ACTL8: variants seen among roughly 807,000 people sequenced by gnomAD.
ACTL8 encodes the protein actin-like protein 8.
In ACTL8, 3 loss-of-function variants were observed where a neutral mutation model predicts 9.3. That is an observed-to-expected ratio of 0.32 (90% CI 0.15 to 0.83). The LOEUF (loss-of-function observed/expected upper bound fraction) is 0.83, where lower values mean the gene tolerates loss of function less well. ACTL8 is among the 40% of genes least tolerant of loss of function. The pLI is 0.57. For missense variants in ACTL8, 381 were observed against 492.2 expected (o/e 0.77, Z 2.14); for synonymous variants, 224 against 205.9 (o/e 1.09, Z -0.75).
At chr1:17,792,630 G>C (rs2066248190) in intron 1 of ACTL8, among the ~76,000 whole-genome samples, 1 of 152,204 alleles carries the variant, frequency 6.6e-6, no homozygotes, top group African/African-American at 2.4e-5. Context: ...TTGGGGCCCT[G>C]CTCATCCTGC....
chr1:17,784,423 C>T (rs1557434206), intron 1 of ACTL8, among the ~76,000 whole-genome samples: 2 of 152,174 alleles, frequency 1.3e-5, no homozygotes, highest in Non-Finnish European at 2.9e-5. Context: ...AGGAATTGAA[C>T]TTCTACCTTC....
At chr1:17,769,277 G>A (rs2066067292) in intron 1 of ACTL8, among the ~76,000 whole-genome samples, 1 of 152,186 alleles carries the variant, frequency 6.6e-6, no homozygotes, top group Non-Finnish European at 1.5e-5. Flanking sequence ...GGCAGGGGTG[G>A]CAGAGTGTAG....
At chr1:17,821,126 TA>T (rs572201746) in intron 1 of ACTL8, among the ~76,000 whole-genome samples, 3,576 of 148,298 alleles carry the variant, frequency 0.024, 130 homozygotes, top group African/African-American at 0.078. Context: ...TTTTGCCCAT[TA>T]AAAAAAAAAA....
intron 1 of ACTL8, among the ~76,000 whole-genome samples, chr1:17,775,805 C>T (rs2066115037): frequency 6.6e-6 from 1 of 152,202 alleles, no homozygotes. Context: ...TCCTTCCCTC[C>T]TAACATTCAT....
At chr1:17,769,264 G>A (rs143391830) in intron 1 of ACTL8, among the ~76,000 whole-genome samples, 1 of 152,282 alleles carries the variant, frequency 6.6e-6, no homozygotes, top group East Asian at 1.9e-4. Context: ...ATGGCTGTGG[G>A]CCGGCAGGGG....
intron 1 of ACTL8, among the ~76,000 whole-genome samples, chr1:17,800,138 T>A (rs566838132): frequency 6.6e-6 from 1 of 152,336 alleles, no homozygotes; most frequent in Admixed American, 6.5e-5. Context: ...TAATTATTAT[T>A]GAAATTACTT....
At chr1:17,771,896 CG>C (rs2066085317) in intron 1 of ACTL8, among the ~76,000 whole-genome samples, 1 of 151,666 alleles carries the variant, frequency 6.6e-6, no homozygotes, top group Admixed American at 6.6e-5. Context: ...TATTCTTCCA[CG>C]GTCCTTTTCT....
At chr1:17,777,173 G>A (rs914168375) in intron 1 of ACTL8, among the ~76,000 whole-genome samples, 5 of 151,834 alleles carry the variant, frequency 3.3e-5, no homozygotes, top group South Asian at 2.1e-4. Flanking sequence ...CAGAACAAGC[G>A]CCTCTCTTTG....
At chr1:17,782,124 G>A (rs769786196) in intron 1 of ACTL8, among the ~76,000 whole-genome samples, 2 of 151,996 alleles carry the variant, frequency 1.3e-5, no homozygotes, top group African/African-American at 4.8e-5. Flanking sequence ...TCTGGTACAC[G>A]AGCCCCCGCT....
In ACTL8 at chr1:17,823,293, C is replaced by G; in HGVS notation, c.285C>G (p.Val95=). 2 of 1,614,024 alleles carry G rather than the reference C, an allele frequency of 1.2e-6. No individual in the cohort carries two copies. The highest frequency in any genetic ancestry group is 3.3e-4 in the Middle Eastern group (2 of 6,062). ...AGAACCACAGACGGGAGCAAGAGGTCCCCCCTGTGATCATCACGGAGACAC... is the reference window on the plus strand; with the variant it reads ...AGAACCACAGACGGGAGCAAGAGGTGCCCCCTGTGATCATCACGGAGACAC... ...VLENHRREQE[V]PPVIITETPL... The change falls in exon 2 of 3, where the codon GTC becomes GTG. Residue 95 remains valine, a synonymous_variant. Transcript: ENST00000375406. This position sits in a 1 kb window ranked among gnomAD's most constrained non-coding sequence, Gnocchi z 5.3.
Position 17,826,667 on chromosome 1 carries a change from T to G in ACTL8, c.*148T>G, listed in dbSNP as rs1214265242. On this transcript the variant is annotated 3_prime_UTR_variant, in exon 3 of 3. Coordinates refer to ENST00000375406, the MANE Select transcript of ACTL8 (RefSeq NM_030812.3). The surrounding 1 kb of genome is among the most constrained non-coding windows in gnomAD (Gnocchi z 4.5). ...AGGGGCATGAGGGTATTTTTTAGGT[T>G]CTAAGGTTTTATCTTGTTGCAAGAG... 3 of 787,310 alleles carry G rather than the reference T, an allele frequency of 3.8e-6. No homozygotes were observed. In the East Asian group the frequency reaches 8.4e-5, roughly 22 times the overall value. The allele number at this position is 787,310 out of a possible 1,614,324, so 48.8% of individuals were successfully genotyped here.
In ACTL8 at chr1:17,773,143, G is replaced by A. The variant is rs182288548; in HGVS notation, c.-25+17639G>A. 1.1e-3 allele frequency among the ~76,000 whole-genome samples: 174 copies of A among 152,290 alleles called. 1 individual carries two copies. Among genetic ancestry groups the A allele is most frequent in the African/African-American group, 3.1e-3 (130 of 41,564 alleles). On this transcript the variant is annotated intron_variant, in intron 1 of 2. Coordinates refer to ENST00000375406, the MANE Select transcript of ACTL8 (RefSeq NM_030812.3). ...CTTTCTTTGCTGGAATATTATTTAC[G>A]TTAATAACAAGGATTAGAGGCTTGT...
At chr1:17,818,446 AG>A (rs2066443564) in intron 1 of ACTL8, among the ~76,000 whole-genome samples, 1 of 152,180 alleles carries the variant, frequency 6.6e-6, no homozygotes, top group Non-Finnish European at 1.5e-5. Context: ...CCAAGCCCCC[AG>A]TGGCCTCCCA....
At chr1:17,820,872 A>G (rs554666684) in intron 1 of ACTL8, among the ~76,000 whole-genome samples, 1 of 152,048 alleles carries the variant, frequency 6.6e-6, no homozygotes, top group African/African-American at 2.4e-5. Context: ...CTGCCACACC[A>G]TTTTCCAAAG....
chr1:17,825,895 T>C lies in ACTL8; in HGVS notation c.477T>C (p.Pro159=). The part of the protein sequence containing the change: ...DSGYGLTRVQ[P]FHQGRPLPAS... ...GCTATGGCCTGACCCGCGTGCAGCC[T>C]TTCCACCAGGGCCGCCCCTTGCCCG... Residue 159 remains proline (P), a synonymous_variant, in exon 3 of 3, where the codon CCT becomes CCC. Transcript: ENST00000375406. 2 of 1,613,534 alleles carry C rather than the reference T, an allele frequency of 1.2e-6. No homozygotes were observed. Among genetic ancestry groups the C allele is most frequent in the Non-Finnish European group, 1.7e-6 (2 of 1,180,016 alleles).
intron 1 of ACTL8, among the ~76,000 whole-genome samples, chr1:17,818,527 G>A (rs934778679): frequency 2.6e-5 from 4 of 152,190 alleles, no homozygotes; most frequent in African/African-American, 4.8e-5. Flanking sequence ...TCCACTCACC[G>A]TGTCCTTGCT....
At chr1:17,808,605 G>C in intron 1 of ACTL8, among the ~76,000 whole-genome samples, 1 of 152,298 alleles carries the variant, frequency 6.6e-6, no homozygotes, top group Admixed American at 6.5e-5. Flanking sequence ...TTTTTATGCG[G>C]AGCAAATAAG....
rs144522829 is a variant in ACTL8 at position 17,803,170 on chromosome 1, C to A, written c.-24-19815C>A. On this transcript the variant is annotated intron_variant, in intron 1 of 2. Coordinates refer to ENST00000375406, the MANE Select transcript of ACTL8 (RefSeq NM_030812.3). ...TCTCGTAATAGTGAGTGAGTTCTTA[C>A]AAGATCTGATTGTTTTATAAGGGGT... Among the ~76,000 whole-genome samples the A allele has an allele frequency of 2.5e-4, 38 of 152,178 alleles. No individual in the cohort carries two copies. The East Asian group carries it at 7.0e-3, about 28-fold the overall frequency.
At chr1:17,790,763 T>C (rs2066233091) in intron 1 of ACTL8, among the ~76,000 whole-genome samples, 2 of 152,220 alleles carry the variant, frequency 1.3e-5, no homozygotes, top group African/African-American at 4.8e-5. Flanking sequence ...CCCCAGGCTG[T>C]AGGTGCCAAG....
Sources: allele counts gnomAD v4.1 joint callset (sites outside exome capture counted in the v4.1 genomes callset), GRCh38; gene constraint gnomAD v4.1.1; non-coding constraint Gnocchi (gnomAD v3.1); transcripts MANE v1.5; gene names NCBI Gene and HGNC (gene_info 2026-07-23, HGNC 2026-07-21).